TMTC2: variants seen among roughly 807,000 people sequenced by gnomAD.
TMTC2 encodes the protein protein O-mannosyl-transferase TMTC2.
Under a neutral mutation model 82.4 loss-of-function variants are expected in TMTC2, and 43 were observed. The ratio of observed to expected loss-of-function variants is 0.52; its 90% confidence interval spans 0.41 to 0.67. The LOEUF (loss-of-function observed/expected upper bound fraction) is 0.67, where lower values mean the gene tolerates loss of function less well. Ranked by LOEUF, TMTC2 falls within the 30% of genes least tolerant of loss-of-function variation. The probability of loss-of-function intolerance (pLI) is 0.00; values close to 1 mark genes in which losing one functional copy is unlikely to be tolerated. For synonymous variants in TMTC2, 408 were observed against 381.9 expected (o/e 1.07, Z -0.80); for missense variants, 919 against 1,012.4 (o/e 0.91, Z 1.25).
chr12:82,773,186 T>C (rs1877399106), intron 1 of TMTC2, among the ~76,000 whole-genome samples: 1 of 152,212 alleles, frequency 6.6e-6, no homozygotes, highest in Admixed American at 6.5e-5. Flanking sequence ...GAGTTAGTTA[T>C]ATTGGTTGTC....
intron 11 of TMTC2, among the ~76,000 whole-genome samples, chr12:83,123,726 T>C (rs1885023862): frequency 6.6e-6 from 1 of 152,212 alleles, no homozygotes; most frequent in African/African-American, 2.4e-5. Flanking sequence ...CACTCCTGGC[T>C]CTGCTCTCAG....
intron 4 of TMTC2, among the ~76,000 whole-genome samples, chr12:82,941,908 G>T (rs908057814): frequency 2.6e-5 from 4 of 151,950 alleles, no homozygotes; most frequent in African/African-American, 4.8e-5. Context: ...CACCATGCCT[G>T]ACTAGTTTTG....
chr12:82,798,528 G>T (rs950665199), intron 1 of TMTC2, among the ~76,000 whole-genome samples: 4 of 149,236 alleles, frequency 2.7e-5, no homozygotes, highest in Non-Finnish European at 4.4e-5. Context: ...AGACTTGGCC[G>T]GTTGCCGTGG....
chr12:82,802,084 CA>C (rs1284390433), intron 1 of TMTC2, among the ~76,000 whole-genome samples: 1 of 152,062 alleles, frequency 6.6e-6, no homozygotes, highest in African/African-American at 2.4e-5. Context: ...CGCCATGGAG[CA>C]GGGGGTGGCG....
intron 7 of TMTC2, among the ~76,000 whole-genome samples, chr12:82,978,722 A>G (rs547208485): frequency 2.0e-5 from 3 of 151,924 alleles, no homozygotes; most frequent in Admixed American, 6.6e-5. Context: ...TATAGTGCCA[A>G]TTAAGTCGTC....
At chr12:83,089,217 A>T (rs1444913928) in intron 11 of TMTC2, among the ~76,000 whole-genome samples, 1 of 152,178 alleles carries the variant, frequency 6.6e-6, no homozygotes, top group Non-Finnish European at 1.5e-5. Context: ...TTCCTAACTT[A>T]TGCTTTTTTG....
At position 82,754,374 on chromosome 12, in the gene TMTC2, T is replaced by A. The variant is rs567448538; in HGVS notation, c.83+66705T>A. Among the ~76,000 whole-genome samples the A allele has an allele frequency of 2.6e-5, 4 of 152,346 alleles. No individual in the cohort carries two copies. In the East Asian group the frequency reaches 7.7e-4, roughly 29 times the overall value. On this transcript the variant is annotated intron_variant, in intron 1 of 11. Coordinates refer to ENST00000321196, the MANE Select transcript of TMTC2 (RefSeq NM_152588.3). ...AAGAAGTATAATAGCTATGTTCTGC[T>A]AATTTATTTATATAACAAAACTTTT...
intron 4 of TMTC2, among the ~76,000 whole-genome samples, chr12:82,961,285 A>T (rs1275983367): frequency 2.0e-5 from 3 of 151,516 alleles, no homozygotes; most frequent in Non-Finnish European, 2.9e-5. Context: ...AGTAAAATAA[A>T]AAAGGGTTTT....
intron 1 of TMTC2, among the ~76,000 whole-genome samples, chr12:82,779,181 G>T (rs7955470): frequency 6.6e-6 from 1 of 152,024 alleles, no homozygotes; most frequent in Non-Finnish European, 1.5e-5. Context: ...CGGCAGGGTA[G>T]AAAGTGTAAG....
At chr12:82,841,051 A>G (rs955352708) in intron 1 of TMTC2, among the ~76,000 whole-genome samples, 2 of 152,190 alleles carry the variant, frequency 1.3e-5, no homozygotes, top group African/African-American at 4.8e-5. Context: ...AAATGCTAGG[A>G]TTACAGGTAT....
chr12:83,122,690 C>T (rs1022887803), intron 11 of TMTC2, among the ~76,000 whole-genome samples: 1 of 152,174 alleles, frequency 6.6e-6, no homozygotes, highest in East Asian at 1.9e-4. Context: ...CCGTGTCCTG[C>T]GGGAGCATTC....
intron 1 of TMTC2, among the ~76,000 whole-genome samples, chr12:82,715,500 T>G (rs535155452): frequency 3.9e-5 from 6 of 152,264 alleles, no homozygotes; most frequent in Non-Finnish European, 7.4e-5. Context: ...CAAAGTCTGT[T>G]GGCCACGCAG....
chr12:83,059,505 A>G (rs1882663324), intron 10 of TMTC2, among the ~76,000 whole-genome samples: 1 of 151,806 alleles, frequency 6.6e-6, no homozygotes, highest in African/African-American at 2.4e-5. Flanking sequence ...ATTAGAAGCA[A>G]GGTCCTAGAG....
chr12:82,874,034 A>T (rs1436044446), intron 2 of TMTC2, among the ~76,000 whole-genome samples: 2 of 152,234 alleles, frequency 1.3e-5, no homozygotes, highest in African/African-American at 2.4e-5. Context: ...CTATTAAGAC[A>T]GTTGCTGATT....
In TMTC2 at chr12:82,963,792, C is replaced by CACATATAT. The variant is rs1213618232; in HGVS notation, c.1599-1231_1599-1230insCATATATA. Reference sequence around the variant, plus strand: ...TCAGATTAACTGTTGTCCAGATTTTCATATATATATATATATATATATATA... The same window carrying CACATATAT: ...TCAGATTAACTGTTGTCCAGATTTTCACATATATATATATATATATATATATATATATA... On this transcript the variant is annotated intron_variant, in intron 4 of 11. Transcript: ENST00000321196. Among the ~76,000 whole-genome samples, 30 of 53,056 alleles carry CACATATAT rather than the reference C, an allele frequency of 5.7e-4. 12 individuals are homozygous for CACATATAT. Among genetic ancestry groups the CACATATAT allele is most frequent in the Non-Finnish European group, 1.1e-3 (24 of 21,988 alleles). 34.8% of individuals were successfully genotyped at this position (53,056 alleles called of 152,430 possible).
intron 1 of TMTC2, among the ~76,000 whole-genome samples, chr12:82,757,190 C>CT (rs1876374619): frequency 6.6e-6 from 1 of 152,178 alleles, no homozygotes; most frequent in South Asian, 2.1e-4. Context: ...CACTGGGAAT[C>CT]TATTAGGAAG....
intron 9 of TMTC2, among the ~76,000 whole-genome samples, chr12:83,039,212 C>T (rs922649535): frequency 3.3e-5 from 5 of 152,086 alleles, no homozygotes; most frequent in East Asian, 1.9e-4. Context: ...GGATTACAGG[C>T]GTAAGCCACC....
Position 82,780,748 on chromosome 12 carries a change from A to G in TMTC2, c.84-76262A>G, listed in dbSNP as rs182732467. 2.0e-5 allele frequency among the ~76,000 whole-genome samples: 3 copies of G among 152,170 alleles called. No homozygotes were observed. In the East Asian group the frequency reaches 5.8e-4, roughly 29 times the overall value. ...CTCAGAGGCAAATCTTAAAGAAGGC[A>G]CGTGACACAAAATGTCAATTGTGTA... On this transcript the variant is annotated intron_variant, in intron 1 of 11. Transcript: ENST00000321196.
chr12:82,892,635 T>C (rs1873453151), intron 2 of TMTC2, among the ~76,000 whole-genome samples: 1 of 152,210 alleles, frequency 6.6e-6, no homozygotes, highest in Admixed American at 6.5e-5. Context: ...TTCGTGTGGC[T>C]CTCCTGTCCC....
Sources: allele counts gnomAD v4.1 joint callset (sites outside exome capture counted in the v4.1 genomes callset), GRCh38; gene constraint gnomAD v4.1.1; transcripts MANE v1.5; gene names NCBI Gene and HGNC (gene_info 2026-07-23, HGNC 2026-07-21).